Variants in RGR observed in about 807,000 individuals in gnomAD.
RGR encodes the protein retinal G protein coupled receptor.
A neutral mutation model predicts 28.6 loss-of-function variants in RGR; 30 were observed. That is an observed-to-expected ratio of 1.05 (90% CI 0.78 to 1.42). The LOEUF (loss-of-function observed/expected upper bound fraction) is 1.42, where lower values mean the gene tolerates loss of function less well. RGR is among the 40% of genes most tolerant of loss of function. RGR has a pLI of 0.00. For synonymous variants in RGR, 180 were observed against 156.4 expected (o/e 1.15, Z -1.13); for missense variants, 404 against 375.6 (o/e 1.08, Z -0.62).
intron 3 of RGR, chr10:84,250,555 C>CACACACACACACA: frequency 4.7e-6 from 3 of 638,168 alleles, no homozygotes; most frequent in Non-Finnish European, 2.9e-6. Flanking sequence ...CACACACACA[C>CACACACACACACA]CACCTTCTCA....
rs760998367 is a variant in RGR at position 84,245,076 on chromosome 10, T to C, written c.-15T>C. 6.2e-7 allele frequency: 1 copy of C among 1,612,550 alleles called. No homozygotes were observed. Among genetic ancestry groups the C allele is most frequent in the Non-Finnish European group, 8.5e-7 (1 of 1,179,352 alleles). On this transcript the variant is annotated 5_prime_UTR_variant, in exon 1 of 7. Coordinates refer to ENST00000652092, the MANE Select transcript of RGR (RefSeq NM_001012720.2). The stretch of plus-strand genomic sequence containing the variant: ...CCAGAGACAGCTGGGCCACTGGCAG[T>C]GAGGGAGAGTGAGGATGGCAGAGAC...
At chr10:84,248,403 C>T (rs1842773915) in intron 2 of RGR, 2 of 240,994 alleles carry the variant, frequency 8.3e-6, no homozygotes, top group Admixed American at 5.2e-5. Context: ...GTTTTGGACA[C>T]TACAGACGGA....
intron 4 of RGR, 40 bp downstream of exon 4, chr10:84,253,050 G>A: frequency 6.2e-7 from 1 of 1,604,190 alleles, no homozygotes; most frequent in South Asian, 1.1e-5. Flanking sequence ...CTATCCATGG[G>A]AATCTTGGCT....
At chr10:84,253,033 G>T in intron 4 of RGR, 23 bp downstream of exon 4, 1 of 1,610,660 alleles carries the variant, frequency 6.2e-7, no homozygotes. Flanking sequence ...GAGCAGCTTC[G>T]AGGCTCCTAT....
rs780295976 is a variant in RGR at position 84,248,924 on chromosome 10, G to T, written c.239G>T (p.Arg80Leu). 5.0e-6 allele frequency: 8 copies of T among 1,614,212 alleles called. No individual in the cohort carries two copies. The highest frequency in any genetic ancestry group is 6.8e-6 in the Non-Finnish European group (8 of 1,180,040). The change falls in exon 3 of 7, where the codon CGC (arginine) becomes CTC (leucine). Residue 80 changes from arginine to leucine, a missense_variant and splice_region_variant. Coordinates refer to ENST00000652092, the MANE Select transcript of RGR (RefSeq NM_001012720.2). Reference protein sequence around the residue: ...LVAATSSLLRRWPYGSDGCQA... With the variant: ...LVAATSSLLRLWPYGSDGCQA... ...CTGGTGCCCAGTGTCTCCCACAGGC[G>T]CTGGCCCTACGGCTCGGACGGCTGC...
intron 3 of RGR, among the ~76,000 whole-genome samples, chr10:84,250,056 A>G (rs542531637): frequency 6.6e-6 from 1 of 152,278 alleles, no homozygotes; most frequent in South Asian, 2.1e-4. Flanking sequence ...GGGTACATAA[A>G]CATGTTTTGG....
At chr10:84,254,203 G>C in intron 4 of RGR, 123 bp from the exon 5 acceptor site, 1 of 866,182 alleles carries the variant, frequency 1.2e-6, no homozygotes, top group Non-Finnish European at 2.0e-6. Flanking sequence ...CAACCACACT[G>C]CGAGCTTGTC....
chr10:84,252,562 C>A (rs1055796662), intron 3 of RGR, among the ~76,000 whole-genome samples: 1 of 152,198 alleles, frequency 6.6e-6, no homozygotes, highest in South Asian at 2.1e-4. Flanking sequence ...CTCAAAGAAG[C>A]TCTTCACTTG....
chr10:84,257,820 TG>T, intron 5 of RGR, 72 bp from the exon 6 acceptor site: 1 of 1,320,644 alleles, frequency 7.6e-7, no homozygotes, highest in Non-Finnish European at 1.1e-6. Flanking sequence ...AGTGCTGACC[TG>T]GTTTTCTTGG....
intron 4 of RGR, 65 bp downstream of exon 4, chr10:84,253,075 C>T (rs11200942): frequency 0.077 from 119,674 of 1,557,196 alleles, 5,127 homozygotes; most frequent in Admixed American, 0.1. Context: ...ACTCCTATGA[C>T]AAGGGTGCCC....
Position 84,248,911 on chromosome 10 carries a change from G to A in RGR, c.237-11G>A. ...GGAGGAGAGGTCACTGGTGCCCAGTGTCTCCCACAGGCGCTGGCCCTACGG... is the reference window on the plus strand; with the variant it reads ...GGAGGAGAGGTCACTGGTGCCCAGTATCTCCCACAGGCGCTGGCCCTACGG... On this transcript the variant is annotated splice_polypyrimidine_tract_variant and intron_variant, in intron 2 of 6. Coordinates refer to ENST00000652092, the MANE Select transcript of RGR (RefSeq NM_001012720.2). 6.2e-7 allele frequency: 1 copy of A among 1,614,222 alleles called. No individual in the cohort carries two copies.
rs1184981722 is a variant in RGR, at chr10:84,254,318, C to T, written c.513-8C>T. 6.2e-7 allele frequency: 1 copy of T among 1,613,162 alleles called. No individual in the cohort carries two copies. Among genetic ancestry groups the T allele is most frequent in the South Asian group, 1.1e-5 (1 of 91,078 alleles). On this transcript the variant is annotated splice_polypyrimidine_tract_variant and splice_region_variant and intron_variant, in intron 4 of 6. Coordinates refer to ENST00000652092, the MANE Select transcript of RGR (RefSeq NM_001012720.2). ...CTAACCCCAATCCTCCACCCGCTCTCCCTGTAGAAACTTCACCAGCTTCCT... is the reference window on the plus strand; with the variant it reads ...CTAACCCCAATCCTCCACCCGCTCTTCCTGTAGAAACTTCACCAGCTTCCT...
intron 1 of RGR, among the ~76,000 whole-genome samples, chr10:84,246,466 C>G (rs548292404): frequency 2.0e-5 from 3 of 152,266 alleles, no homozygotes; most frequent in African/African-American, 7.2e-5. Context: ...CCACTTGTAA[C>G]TGAGAACAAA....
chr10:84,253,854 G>A (rs1253727135), intron 4 of RGR, among the ~76,000 whole-genome samples: 7 of 152,116 alleles, frequency 4.6e-5, no homozygotes, highest in Non-Finnish European at 2.9e-5. Flanking sequence ...GTCTCCCTGG[G>A]ACTCCCACTA....
intron 3 of RGR, among the ~76,000 whole-genome samples, chr10:84,251,246 TA>T (rs1564549694): frequency 2.0e-5 from 3 of 152,248 alleles, no homozygotes; most frequent in South Asian, 2.1e-4. Context: ...AAAATTTTTT[TA>T]AAAAAAGACA....
At chr10:84,252,747 C>T in intron 3 of RGR, 110 bp from the exon 4 acceptor site, 1 of 1,372,500 alleles carries the variant, frequency 7.3e-7, no homozygotes, top group Non-Finnish European at 1.0e-6. Flanking sequence ...GAGACTGAGG[C>T]TGGTGGATCA....
At chr10:84,252,746 G>A in intron 3 of RGR, 111 bp from the exon 4 acceptor site, 1 of 1,367,612 alleles carries the variant, frequency 7.3e-7, no homozygotes, top group Non-Finnish European at 1.0e-6. Context: ...GGAGACTGAG[G>A]CTGGTGGATC....
At position 84,257,947 on chromosome 10, in the gene RGR, A is replaced by C. The variant is rs540094720; in HGVS notation, c.685A>C (p.Ile229Leu). 2.5e-5 allele frequency: 41 copies of C among 1,614,196 alleles called. No homozygotes were observed. The African/African-American group carries it at 4.5e-4, about 18-fold the overall frequency. ...GCTGCTCGGCTGGGGCCCCTATGCCATCCTGTATCTATACGCAGTCATCGC... is the reference window on the plus strand; with the variant it reads ...GCTGCTCGGCTGGGGCCCCTATGCCCTCCTGTATCTATACGCAGTCATCGC... ...TLLLGWGPYA[I>L]LYLYAVIADV... The change falls in exon 6 of 7, where the codon ATC (isoleucine) becomes CTC (leucine). Residue 229 changes from isoleucine (I) to leucine (L), a missense_variant. Physicochemically the swap from Ile to Leu is conservative, Grantham distance 5. Transcript: ENST00000652092.
rs373905383 is a variant in RGR, at chr10:84,245,162, G to T, written c.72G>T (p.Leu24=). ...LEVLAVGMVL[L]VEALSGLSLN... is the part of the protein sequence containing the mutation. Reference sequence around the variant, plus strand: ...TGCTGGCTGTGGGGATGGTGCTACTGGTGGAAGGTGAGCCAGGCAGAACCT... The same window carrying T: ...TGCTGGCTGTGGGGATGGTGCTACTTGTGGAAGGTGAGCCAGGCAGAACCT... Residue 24 remains leucine (L), a synonymous_variant, in exon 1 of 7, where the codon CTG becomes CTT. Transcript: ENST00000652092. 1 of 1,612,808 alleles carries T rather than the reference G, an allele frequency of 6.2e-7. No homozygotes were observed. Among genetic ancestry groups the T allele is most frequent in the Non-Finnish European group, 8.5e-7 (1 of 1,179,638 alleles).
Sources: allele counts gnomAD v4.1 joint callset (sites outside exome capture counted in the v4.1 genomes callset), GRCh38; gene constraint gnomAD v4.1.1; transcripts MANE v1.5; gene names NCBI Gene and HGNC (gene_info 2026-07-23, HGNC 2026-07-21).